Variants in ATIC observed in about 807,000 individuals in gnomAD.
ATIC encodes 5-aminoimidazole-4-carboxamide ribonucleotide formyltransferase/IMP cyclohydrolase.
ATIC carries 64 observed loss-of-function variants against 72.5 expected under a neutral mutation model. That is an observed-to-expected ratio of 0.88 (90% CI 0.72 to 1.09). ATIC has a LOEUF of 1.09. Among genes scored for constraint, ATIC ranks in the 50% least tolerant of loss-of-function variants. The probability of loss-of-function intolerance (pLI) is 0.00; values close to 1 mark genes in which losing one functional copy is unlikely to be tolerated. For missense variants in ATIC, 787 were observed against 732.4 expected (o/e 1.07, Z -0.86); for synonymous variants, 281 against 267.1 (o/e 1.05, Z -0.51).
At chr2:215,322,478 C>T (rs1175336341) in intron 4 of ATIC, among the ~76,000 whole-genome samples, 3 of 151,482 alleles carry the variant, frequency 2.0e-5, no homozygotes, top group African/African-American at 7.3e-5. Flanking sequence ...TACAGGTGCC[C>T]GCCACCACGC....
chr2:215,346,715 G>T, intron 13 of ATIC, 44 bp from the exon 14 acceptor site: 1 of 1,604,458 alleles, frequency 6.2e-7, no homozygotes, highest in Non-Finnish European at 8.5e-7. Flanking sequence ...TGAGAAGAAA[G>T]TGTCTTTGGA....
chr2:215,343,031 C>T, intron 12 of ATIC, among the ~76,000 whole-genome samples: 1 of 152,160 alleles, frequency 6.6e-6, no homozygotes, highest in Non-Finnish European at 1.5e-5. Flanking sequence ...ATGGTAGTTG[C>T]ATGTTTAGTT....
chr2:215,325,877 T>C, intron 5 of ATIC, 110 bp from the exon 6 acceptor site: 1 of 1,384,652 alleles, frequency 7.2e-7, no homozygotes, highest in South Asian at 1.2e-5. Context: ...ATTTTCCTGA[T>C]TTTTAAGTCA....
At chr2:215,337,846 T>C (rs1223549047) in intron 11 of ATIC, among the ~76,000 whole-genome samples, 1 of 152,224 alleles carries the variant, frequency 6.6e-6, no homozygotes, top group Non-Finnish European at 1.5e-5. Context: ...ACTTCATTGG[T>C]ATTTTACTTA....
intron 2 of ATIC, among the ~76,000 whole-genome samples, chr2:215,312,895 T>A (rs963102901): frequency 6.6e-6 from 1 of 152,084 alleles, no homozygotes; most frequent in Non-Finnish European, 1.5e-5. Flanking sequence ...GGTCAAGAGT[T>A]CGAGACCAGC....
At chr2:215,352,592 AAAAATT>A (rs1325044287), downstream of ATIC, among the ~76,000 whole-genome samples, 1 of 152,152 alleles carries the variant, frequency 6.6e-6, no homozygotes, top group Non-Finnish European at 1.5e-5. Flanking sequence ...AAGAAAAAAA[AAAAATT>A]AAACTATTAG....
At chr2:215,318,939 C>G (rs1003415383) in intron 3 of ATIC, among the ~76,000 whole-genome samples, 4 of 151,218 alleles carry the variant, frequency 2.6e-5, no homozygotes, top group Non-Finnish European at 4.4e-5. Context: ...TGCAGTGGTG[C>G]GATCATGGCT....
At chr2:215,343,537 T>C (rs1312968915) in intron 12 of ATIC, among the ~76,000 whole-genome samples, 2 of 152,200 alleles carry the variant, frequency 1.3e-5, no homozygotes, top group African/African-American at 4.8e-5. Context: ...GGGTTCACCA[T>C]GTTGGTCAGG....
At chr2:215,347,080 A>C in intron 14 of ATIC, 139 bp downstream of exon 14, 1 of 1,135,692 alleles carries the variant, frequency 8.8e-7, no homozygotes, top group Non-Finnish European at 1.3e-6. Context: ...TTGATCATTG[A>C]AACTTCTTAC....
chr2:215,331,092 G>T (rs979625402), intron 7 of ATIC, among the ~76,000 whole-genome samples: 25 of 152,140 alleles, frequency 1.6e-4, no homozygotes, highest in Non-Finnish European at 3.4e-4. Context: ...GAACAAAATT[G>T]CTATAATCAT....
At chr2:215,326,737 G>A in intron 6 of ATIC, 85 bp from the exon 7 acceptor site, 4 of 1,527,338 alleles carry the variant, frequency 2.6e-6, no homozygotes, top group Non-Finnish European at 3.6e-6. Context: ...GTGAGGAGAT[G>A]TTGTTTGCTG....
In ATIC at chr2:215,344,832, C is replaced by T. The variant is rs2053055886; in HGVS notation, c.1281C>T (p.Tyr427=). 2 of 1,613,864 alleles carry T rather than the reference C, an allele frequency of 1.2e-6. No homozygotes were observed. The highest frequency in any genetic ancestry group is 1.1e-5 in the South Asian group (1 of 91,082). ...TCGTAGCCACCATTGCTGTCAAGTA[C>T]ACTCAGTCTAACTCTGTGTGCTACG... The part of the protein sequence containing the change: ...DLIVATIAVK[Y]TQSNSVCYAK... Residue 427 remains tyrosine, a synonymous_variant, in exon 13 of 16, where the codon TAC becomes TAT. Coordinates refer to ENST00000236959, the MANE Select transcript of ATIC (RefSeq NM_004044.7).
chr2:215,320,588 A>ATTTTTTTTTTTTTTTTTTTTTTTTTTT (rs1559267639), intron 4 of ATIC, among the ~76,000 whole-genome samples: 1 of 151,650 alleles, frequency 6.6e-6, no homozygotes, highest in Admixed American at 6.6e-5. Flanking sequence ...ATTTAATTTA[A>ATTTTTTTTTTTTTTTTTTTTTTTTTTT]TTTTATTTTG....
chr2:215,363,383 AGAGAG>A, the ATIC span: 5 of 87,742 alleles, frequency 5.7e-5, no homozygotes, highest in Non-Finnish European at 1.1e-4. Flanking sequence ...AATGGGAGAG[AGAGAG>A]AGAGAGAGAC....
At chr2:215,359,469 T>C in the ATIC span, among the ~76,000 whole-genome samples, 51 of 152,316 alleles carry the variant, frequency 3.3e-4, no homozygotes, top group South Asian at 1.0e-2. Flanking sequence ...CCGACATATG[T>C]GAGACAGTCG....
chr2:215,315,401 G>T (rs544183248), intron 2 of ATIC, among the ~76,000 whole-genome samples: 2 of 152,094 alleles, frequency 1.3e-5, no homozygotes, highest in Non-Finnish European at 2.9e-5. Context: ...CTGTCACCCA[G>T]GCTGGAGTGC....
intron 7 of ATIC, among the ~76,000 whole-genome samples, chr2:215,328,838 C>T (rs1031697911): frequency 6.6e-5 from 10 of 152,142 alleles, no homozygotes; most frequent in Middle Eastern, 3.4e-3. Context: ...CTGCCTCGGC[C>T]TCTCAAGTAG....
At chr2:215,330,831 A>G (rs2106015213) in intron 7 of ATIC, among the ~76,000 whole-genome samples, 1 of 151,840 alleles carries the variant, frequency 6.6e-6, no homozygotes, top group African/African-American at 2.4e-5. Context: ...GGCATGCACC[A>G]CCATGCCCAG....
chr2:215,319,828 T>G, intron 4 of ATIC, 97 bp downstream of exon 4: 2 of 977,302 alleles, frequency 2.0e-6, no homozygotes, highest in South Asian at 2.7e-5. Flanking sequence ...ACTATAAACC[T>G]TTACTGCGTA....
Sources: gnomAD v4.1 joint callset for allele counts (sites outside exome capture counted in the v4.1 genomes callset) on GRCh38, gnomAD v4.1.1 for gene constraint, MANE v1.5 for transcripts, NCBI Gene and HGNC (gene_info 2026-07-23, HGNC 2026-07-21) for gene names.